Variants in STUM observed in about 807,000 individuals in gnomAD.
The protein encoded by STUM is protein stum homolog.
Under a neutral mutation model 15.3 loss-of-function variants are expected in STUM, and 8 were observed. The observed-to-expected ratio is 0.52, with a 90% CI of 0.31 to 0.94. The LOEUF (loss-of-function observed/expected upper bound fraction) is 0.94. STUM is among the 40% of genes least tolerant of loss of function. The pLI is 0.05. For missense variants in STUM, 142 were observed against 204.9 expected (o/e 0.69, Z 1.87); for synonymous variants, 78 against 88.7 (o/e 0.88, Z 0.68).
At chr1:226,572,325 A>G (rs12024134) in intron 1 of STUM, among the ~76,000 whole-genome samples, 26,352 of 152,134 alleles carry the variant, frequency 0.17, 2,436 homozygotes, top group South Asian at 0.35. Flanking sequence ...TACCTACTAC[A>G]TTCATTTAAC....
chr1:226,572,392 C>A (rs1667724317), intron 1 of STUM, among the ~76,000 whole-genome samples: 1 of 152,190 alleles, frequency 6.6e-6, no homozygotes, highest in South Asian at 2.1e-4. Flanking sequence ...CCTGGGTCTA[C>A]AGGGATACTG....
rs974149589 is a variant in STUM, at chr1:226,565,057, G to A, written c.202+15951G>A. Among the ~76,000 whole-genome samples, 12 of 152,168 alleles carry A rather than the reference G, an allele frequency of 7.9e-5. No homozygotes were observed. The highest frequency in any genetic ancestry group is 1.5e-5 in the Non-Finnish European group (1 of 68,028). On this transcript the variant is annotated intron_variant, in intron 1 of 3. Coordinates refer to ENST00000366788, the MANE Select transcript of STUM (RefSeq NM_001003665.4). The surrounding 1 kb of genome is among the most constrained non-coding windows in gnomAD (Gnocchi z 4.4). Reference sequence around the variant, plus strand: ...AGTCCCCTTGCCCTCGAGCTTCCAGGTGTCTTAGCCAATGGGAGGCACTGG... The same window carrying A: ...AGTCCCCTTGCCCTCGAGCTTCCAGATGTCTTAGCCAATGGGAGGCACTGG...
intron 1 of STUM, among the ~76,000 whole-genome samples, chr1:226,562,668 G>A (rs1382131810): frequency 6.6e-6 from 1 of 152,082 alleles, no homozygotes; most frequent in African/African-American, 2.4e-5. Context: ...AACCCAAATT[G>A]AGGGGTGTTC....
At position 226,567,936 on chromosome 1, in the gene STUM, G is replaced by T. The variant is rs956244369; in HGVS notation, c.202+18830G>T. On this transcript the variant is annotated intron_variant, in intron 1 of 3. Transcript: ENST00000366788. This position sits in a 1 kb window ranked among gnomAD's most constrained non-coding sequence, Gnocchi z 4.5. ...GCGAACAGGGCACCCCGAGGAGGAG[G>T]TACCAGACTACCTGTCTGGCTGAGC... 1.3e-5 allele frequency among the ~76,000 whole-genome samples: 2 copies of T among 152,214 alleles called. No individual in the cohort carries two copies. Among genetic ancestry groups the T allele is most frequent in the East Asian group, 1.9e-4 (1 of 5,196 alleles).
Position 226,602,748 on chromosome 1 carries a change from G to T in STUM, c.*708G>T, listed in dbSNP as rs1437709216. On this transcript the variant is annotated 3_prime_UTR_variant, in exon 4 of 4. Transcript: ENST00000366788. ...AGGAGAGGAGTAGCTCCTTCCCTGG[G>T]GTGAAACTGCCAGATGTTTATACAC... The T allele has an allele frequency of 6.6e-6, 1 of 152,288 alleles. No homozygotes were observed. Among genetic ancestry groups the T allele is most frequent in the Non-Finnish European group, 1.5e-5 (1 of 68,034 alleles). 9.4% of individuals were successfully genotyped at this position (152,288 alleles called of 1,614,324 possible). A position where few individuals can be genotyped will look rare whatever the true frequency, so the allele number is the denominator to read the frequency against.
intron 1 of STUM, among the ~76,000 whole-genome samples, chr1:226,581,602 G>T (rs2102701924): frequency 6.6e-6 from 1 of 152,202 alleles, no homozygotes; most frequent in Admixed American, 6.5e-5. Context: ...TTGAGATGGA[G>T]TCTCACTCTG....
rs73098857 is a variant in STUM, at chr1:226,600,634, C to G, written c.383-32C>G. The G allele has an allele frequency of 6.2e-7, 1 of 1,610,508 alleles. No homozygotes were observed. The highest frequency in any genetic ancestry group is 8.5e-7 in the Non-Finnish European group (1 of 1,179,862). On this transcript the variant is annotated intron_variant, in intron 2 of 3. Transcript: ENST00000366788. The surrounding 1 kb of genome is among the most constrained non-coding windows in gnomAD (Gnocchi z 5.2). ...TTCTCTTCTTCTCTCTCTCCTCTTCCTCCTGCTGCCTCCCACTCTGTGCTG... is the reference window on the plus strand; with the variant it reads ...TTCTCTTCTTCTCTCTCTCCTCTTCGTCCTGCTGCCTCCCACTCTGTGCTG...
At chr1:226,558,609 C>T (rs1333290717) in intron 1 of STUM, among the ~76,000 whole-genome samples, 1 of 152,198 alleles carries the variant, frequency 6.6e-6, no homozygotes, top group Non-Finnish European at 1.5e-5. Flanking sequence ...AGGGATGCGT[C>T]TCTGAGGCTA....
chr1:226,560,573 A>AAATGTGGGG (rs1395287303), intron 1 of STUM, among the ~76,000 whole-genome samples: 2 of 152,236 alleles, frequency 1.3e-5, no homozygotes, highest in Non-Finnish European at 2.9e-5. Context: ...GCACAGGTTG[A>AAATGTGGGG]AATGTGGGGC....
intron 1 of STUM, among the ~76,000 whole-genome samples, chr1:226,588,725 C>T (rs1432410577): frequency 1.3e-5 from 2 of 152,120 alleles, no homozygotes; most frequent in Non-Finnish European, 2.9e-5. Context: ...GTGGTGGGGC[C>T]CGGGAAGGTG....
At chr1:226,563,247 G>A (rs1328719435) in intron 1 of STUM, among the ~76,000 whole-genome samples, 1 of 152,242 alleles carries the variant, frequency 6.6e-6, no homozygotes, top group Admixed American at 6.5e-5. Context: ...CTCTAAGCCA[G>A]TCACATCCTC....
At chr1:226,601,079 C>G (rs1377730480) in intron 3 of STUM, among the ~76,000 whole-genome samples, 1 of 152,176 alleles carries the variant, frequency 6.6e-6, no homozygotes, top group Non-Finnish European at 1.5e-5. Flanking sequence ...TCGGCAAATT[C>G]TGCTCATGTA....
intron 1 of STUM, among the ~76,000 whole-genome samples, chr1:226,554,201 T>A (rs1174521965): frequency 6.6e-6 from 1 of 152,210 alleles, no homozygotes. Flanking sequence ...AGGTCTCAGA[T>A]GGGGGATGCC....
At chr1:226,595,467 C>T (rs1668163861) in intron 1 of STUM, among the ~76,000 whole-genome samples, 1 of 152,180 alleles carries the variant, frequency 6.6e-6, no homozygotes, top group Non-Finnish European at 1.5e-5. Context: ...CAAGTTGACA[C>T]CTAAAATTAA....
Position 226,596,922 on chromosome 1 carries a change from T to TGA in STUM, c.323_324insGA (p.Ile108MetfsTer9). 6.2e-7 allele frequency: 1 copy of TGA among 1,614,250 alleles called. No individual in the cohort carries two copies. The highest frequency in any genetic ancestry group is 8.5e-7 in the Non-Finnish European group (1 of 1,180,042). On this transcript the variant is annotated frameshift_variant, in exon 2 of 4. Coordinates refer to ENST00000366788, the MANE Select transcript of STUM (RefSeq NM_001003665.4). LOFTEE classifies it high-confidence loss of function. Reference sequence around the variant, plus strand: ...GCCCTCATCCAAATCCTCACTGCCATCGTCATGGTGGGCTGGATCATGAGC... The same window carrying TGA: ...GCCCTCATCCAAATCCTCACTGCCATGACGTCATGGTGGGCTGGATCATGAGC...
At chr1:226,554,502 T>A (rs950335124) in intron 1 of STUM, among the ~76,000 whole-genome samples, 7 of 152,180 alleles carry the variant, frequency 4.6e-5, no homozygotes, top group Non-Finnish European at 7.3e-5. Context: ...GACAGTGGGA[T>A]GAGAGTGAAC....
chr1:226,584,556 C>T (rs1162345435), intron 1 of STUM, among the ~76,000 whole-genome samples: 1 of 152,190 alleles, frequency 6.6e-6, no homozygotes, highest in African/African-American at 2.4e-5. Flanking sequence ...ACCCATAAGC[C>T]TCAGAGTCTG....
intron 1 of STUM, among the ~76,000 whole-genome samples, chr1:226,590,247 C>T (rs1193568115): frequency 6.6e-6 from 1 of 152,180 alleles, no homozygotes; most frequent in African/African-American, 2.4e-5. Flanking sequence ...GGTCCTCACC[C>T]ACACCCTGGA....
At chr1:226,575,037 T>C (rs1184511668) in intron 1 of STUM, among the ~76,000 whole-genome samples, 1 of 152,114 alleles carries the variant, frequency 6.6e-6, no homozygotes, top group African/African-American at 2.4e-5. Flanking sequence ...TCTGCATATG[T>C]GGACTCACTG....
Sources: gnomAD v4.1 joint callset for allele counts (sites outside exome capture counted in the v4.1 genomes callset) on GRCh38, gnomAD v4.1.1 for gene constraint, Gnocchi (gnomAD v3.1) non-coding constraint, MANE v1.5 for transcripts, NCBI Gene and HGNC (gene_info 2026-07-23, HGNC 2026-07-21) for gene names.